Variants in SCAPER observed in about 807,000 individuals in gnomAD.
SCAPER encodes S phase cyclin A-associated protein in the endoplasmic reticulum.
SCAPER carries 98 observed loss-of-function variants against 182.2 expected under a neutral mutation model. The observed-to-expected ratio is 0.54, with a 90% CI of 0.46 to 0.64. The LOEUF is 0.64. SCAPER is among the 30% of genes least tolerant of loss of function. The probability of loss-of-function intolerance (pLI) is 0.00; values close to 1 mark genes in which losing one functional copy is unlikely to be tolerated. For missense variants in SCAPER, 1,432 were observed against 1,690.0 expected (o/e 0.85, Z 2.68); for synonymous variants, 605 against 564.6 (o/e 1.07, Z -1.01).
At chr15:76,765,158 A>G (rs1414782817) in intron 13 of SCAPER, 86 bp from the exon 14 acceptor site, 4 of 1,123,396 alleles carry the variant, frequency 3.6e-6, no homozygotes, top group South Asian at 1.5e-5. Context: ...CATAGTTCTT[A>G]AAGTATACAA....
chr15:76,777,891 A>G (rs1169318452), intron 8 of SCAPER, among the ~76,000 whole-genome samples: 2 of 152,182 alleles, frequency 1.3e-5, no homozygotes, highest in African/African-American at 2.4e-5. Flanking sequence ...CCTACCAAAC[A>G]TAACTAGCCT....
At chr15:76,464,793 G>T (rs1488818873) in intron 25 of SCAPER, among the ~76,000 whole-genome samples, 1 of 152,082 alleles carries the variant, frequency 6.6e-6, no homozygotes, top group East Asian at 1.9e-4. Flanking sequence ...TCATATGGTA[G>T]TTCTCTTTTT....
chr15:76,904,857 A>G (rs185042311), intron 1 of SCAPER: 1 of 152,316 alleles, frequency 6.6e-6, no homozygotes, highest in Admixed American at 6.5e-5. Flanking sequence ...GAAGACGATC[A>G]CCTGTCAAAC....
At chr15:76,802,140 A>C (rs1006609636) in intron 6 of SCAPER, among the ~76,000 whole-genome samples, 1 of 152,148 alleles carries the variant, frequency 6.6e-6, no homozygotes, top group Non-Finnish European at 1.5e-5. Flanking sequence ...AAACTCAATC[A>C]AGTTAAATAA....
chr15:76,617,836 G>C (rs1385779151), intron 22 of SCAPER, among the ~76,000 whole-genome samples: 3 of 152,182 alleles, frequency 2.0e-5, no homozygotes, highest in Non-Finnish European at 2.9e-5. Context: ...AAACAGCAAA[G>C]TTCTACTGCA....
At chr15:76,488,869 C>T (rs553243981) in intron 24 of SCAPER, among the ~76,000 whole-genome samples, 23 of 151,068 alleles carry the variant, frequency 1.5e-4, no homozygotes, top group Admixed American at 3.3e-4. Context: ...ACTACAAGCG[C>T]GCATGACCAC....
At chr15:76,843,866 T>G (rs1007993060) in intron 4 of SCAPER, among the ~76,000 whole-genome samples, 7 of 152,232 alleles carry the variant, frequency 4.6e-5, no homozygotes, top group Middle Eastern at 3.4e-3. Context: ...TACTTACTAC[T>G]GACAAAAAGA....
chr15:76,888,601 T>C (rs551024966), intron 1 of SCAPER, among the ~76,000 whole-genome samples: 1 of 151,970 alleles, frequency 6.6e-6, no homozygotes, highest in South Asian at 2.1e-4. Flanking sequence ...ATTAATGAAA[T>C]GAAGTAAGAA....
chr15:76,502,370 C>T (rs1376587371), intron 24 of SCAPER, among the ~76,000 whole-genome samples: 9 of 152,158 alleles, frequency 5.9e-5, no homozygotes, highest in Admixed American at 5.9e-4. Context: ...GGCACATATA[C>T]ACCGTGGAAT....
At chr15:76,476,747 G>A (rs975089931) in intron 24 of SCAPER, among the ~76,000 whole-genome samples, 12 of 151,610 alleles carry the variant, frequency 7.9e-5, no homozygotes, top group African/African-American at 2.2e-4. Context: ...ACACCTAGCC[G>A]TCCAAGAATT....
intron 23 of SCAPER, among the ~76,000 whole-genome samples, chr15:76,540,872 C>T (rs1056475701): frequency 1.3e-5 from 2 of 151,906 alleles, no homozygotes; most frequent in African/African-American, 4.8e-5. Context: ...CCTGTAATCC[C>T]AGGACTTTGG....
In SCAPER at chr15:76,471,819, G is replaced by A. The variant is rs745958404; in HGVS notation, c.2955-484C>T. On this transcript the variant is annotated intron_variant, in intron 24 of 31. Coordinates refer to ENST00000563290, the MANE Select transcript of SCAPER (RefSeq NM_020843.4). ...TAAGACCCCGGAGTTCTAGGGAGTC[G>A]ACATCACACTGCTTGGAGGCGGGGC... is the stretch of plus-strand genomic sequence containing the variant. Among the ~76,000 whole-genome samples the A allele has an allele frequency of 1.3e-5, 2 of 152,154 alleles. 1 individual carries two copies.
intron 23 of SCAPER, among the ~76,000 whole-genome samples, chr15:76,563,017 A>C: frequency 6.6e-6 from 1 of 152,228 alleles, no homozygotes; most frequent in Admixed American, 6.5e-5. Flanking sequence ...AGACATGTTT[A>C]ACTAACATGT....
intron 23 of SCAPER, among the ~76,000 whole-genome samples, chr15:76,511,250 G>T (rs1214340008): frequency 6.6e-6 from 1 of 151,812 alleles, no homozygotes; most frequent in Non-Finnish European, 1.5e-5. Context: ...AAAACCTATG[G>T]AATAAATAAA....
chr15:76,692,696 GA>G (rs71143354), intron 20 of SCAPER, among the ~76,000 whole-genome samples: 444 of 98,818 alleles, frequency 4.5e-3, no homozygotes, highest in African/African-American at 0.011. Context: ...TTCAAAAAAA[GA>G]AAAAAAAAAA....
At chr15:76,584,536 CCTA>C (rs1373370919) in intron 22 of SCAPER, among the ~76,000 whole-genome samples, 2 of 152,018 alleles carry the variant, frequency 1.3e-5, no homozygotes, top group Non-Finnish European at 2.9e-5. Context: ...AACATATACA[CCTA>C]CTGTGTGCCC....
chr15:76,698,098 T>G (rs1188012407), intron 20 of SCAPER, among the ~76,000 whole-genome samples: 2 of 152,040 alleles, frequency 1.3e-5, no homozygotes, highest in Non-Finnish European at 2.9e-5. Flanking sequence ...ATGAAAGATT[T>G]AAGTAATAAA....
At chr15:76,585,276 C>T (rs2048558610) in intron 22 of SCAPER, among the ~76,000 whole-genome samples, 1 of 152,024 alleles carries the variant, frequency 6.6e-6, no homozygotes, top group African/African-American at 2.4e-5. Flanking sequence ...ACTATTATTA[C>T]TGTTCACTGA....
rs1427939637 is a variant in SCAPER, at chr15:76,637,776, G to A, written c.2646-15947C>T. ...TGTGTGTGTGTGTGTGTGTGTGTGT[G>A]TGTGTGTGTGTGTGTGTGTGTGTAT... On this transcript the variant is annotated intron_variant, in intron 21 of 31. Transcript: ENST00000563290. Among the ~76,000 whole-genome samples the A allele has an allele frequency of 9.8e-5, 14 of 142,650 alleles. 1 individual carries two copies. Among genetic ancestry groups the A allele is most frequent in the Middle Eastern group, 3.6e-3 (1 of 276 alleles). 93.6% of individuals were successfully genotyped at this position (142,650 alleles called of 152,430 possible).
Sources: gnomAD v4.1 joint callset for allele counts (sites outside exome capture counted in the v4.1 genomes callset) on GRCh38, gnomAD v4.1.1 for gene constraint, MANE v1.5 for transcripts, NCBI Gene and HGNC (gene_info 2026-07-23, HGNC 2026-07-21) for gene names.